SYNE2: variants seen among roughly 807,000 people sequenced by gnomAD.
SYNE2 encodes the protein spectrin repeat containing nuclear envelope protein 2, also known as nesprin-2.
A neutral mutation model predicts 856.3 loss-of-function variants in SYNE2; 431 were observed. That is an observed-to-expected ratio of 0.50 (90% CI 0.47 to 0.55). The LOEUF (loss-of-function observed/expected upper bound fraction) is 0.55. Ranked by LOEUF, SYNE2 falls within the 20% of genes least tolerant of loss-of-function variation. The pLI is 0.00. For missense variants in SYNE2, 8,129 were observed against 8,023.2 expected (o/e 1.01, Z -0.50); for synonymous variants, 2,923 against 2,872.3 (o/e 1.02, Z -0.56).
chr14:63,916,114 A>G (rs780037896), intron 2 of SYNE2, among the ~76,000 whole-genome samples: 2 of 152,180 alleles, frequency 1.3e-5, no homozygotes, highest in Non-Finnish European at 2.9e-5. Flanking sequence ...CTGGGCCGCA[A>G]ATATAATCAT....
At chr14:63,909,657 C>T (rs2095449339) in intron 2 of SYNE2, among the ~76,000 whole-genome samples, 1 of 152,100 alleles carries the variant, frequency 6.6e-6, no homozygotes, top group Non-Finnish European at 1.5e-5. Context: ...GCCTGACCAA[C>T]ATGGGGAAAC....
chr14:64,094,539 A>G (rs2153631515), intron 61 of SYNE2, among the ~76,000 whole-genome samples: 1 of 152,252 alleles, frequency 6.6e-6, no homozygotes, highest in African/African-American at 2.4e-5. Flanking sequence ...CATCAAATTG[A>G]TACAGGCAAG....
intron 1 of SYNE2, among the ~76,000 whole-genome samples, chr14:63,775,879 T>A (rs1307823479): frequency 6.6e-6 from 1 of 152,194 alleles, no homozygotes; most frequent in Non-Finnish European, 1.5e-5. Context: ...CTAGGCTTCT[T>A]CTCAGTTAAC....
At chr14:64,148,522 C>T (rs558342238) in intron 84 of SYNE2, among the ~76,000 whole-genome samples, 22 of 152,054 alleles carry the variant, frequency 1.4e-4, no homozygotes, top group Admixed American at 7.9e-4. Flanking sequence ...TTCTACTTCC[C>T]TCCCCTCGCC....
Position 64,113,544 on chromosome 14 carries a change from G to A in SYNE2, c.12813G>A (p.Val4271=), listed in dbSNP as rs2097829585. The A allele has an allele frequency of 6.2e-7, 1 of 1,611,704 alleles. No individual in the cohort carries two copies. Among genetic ancestry groups the A allele is most frequent in the Non-Finnish European group, 8.5e-7 (1 of 1,178,846 alleles). Residue 4271 remains valine, a synonymous_variant, in exon 66 of 116, where the codon GTG becomes GTA. Coordinates refer to ENST00000555002, the MANE Select transcript of SYNE2 (RefSeq NM_182914.3). ...CATTAAACGCAGACATGCAGCAGGT[G>A]CTGGAACAGCAGCTGGTAGGGTGCC... is the stretch of plus-strand genomic sequence containing the variant. ...PETLNADMQQ[V]LEQQLVGCQA...
At chr14:63,804,203 T>A (rs1595125651) in intron 1 of SYNE2, among the ~76,000 whole-genome samples, 1 of 152,308 alleles carries the variant, frequency 6.6e-6, no homozygotes. Context: ...AATACACCCA[T>A]TTTTTAATCA....
At chr14:63,939,105 G>A (rs570737114) in intron 2 of SYNE2, among the ~76,000 whole-genome samples, 3 of 152,182 alleles carry the variant, frequency 2.0e-5, no homozygotes, top group African/African-American at 4.8e-5. Flanking sequence ...TGCCATGGGT[G>A]TCTGGGCCTG....
intron 63 of SYNE2, 87 bp downstream of exon 63, chr14:64,098,908 C>A: frequency 7.6e-7 from 1 of 1,312,044 alleles, no homozygotes. Context: ...GAATGGAAAC[C>A]TAAGAATTTT....
At chr14:64,026,507 A>G (rs560602136) in intron 41 of SYNE2, 72 bp from the exon 42 acceptor site, 386 of 1,222,970 alleles carry the variant, frequency 3.2e-4, no homozygotes, top group Admixed American at 5.1e-4. Context: ...TAAAGCTTAC[A>G]AATAAAGAGA....
Position 64,089,630 on chromosome 14 carries a change from C to A in SYNE2, c.11727C>A (p.Ile3909=). ...VKSMEKRVSK[I]KTILLSKEIF... is the part of the protein sequence containing the mutation. ...CAATGGAAAAAAGAGTTTCAAAAATCAAAACTATCCTATTATCAAAAGAAA... is the reference window on the plus strand; with the variant it reads ...CAATGGAAAAAAGAGTTTCAAAAATAAAAACTATCCTATTATCAAAAGAAA... The change falls in exon 59 of 116, where the codon ATC becomes ATA. Residue 3909 remains isoleucine, a synonymous_variant. Transcript: ENST00000555002. 6.2e-7 allele frequency: 1 copy of A among 1,605,548 alleles called. No homozygotes were observed. Among genetic ancestry groups the A allele is most frequent in the South Asian group, 1.1e-5 (1 of 90,834 alleles).
intron 1 of SYNE2, among the ~76,000 whole-genome samples, chr14:63,807,861 A>G (rs1228122098): frequency 9.7e-6 from 1 of 102,700 alleles, no homozygotes; most frequent in Non-Finnish European, 1.9e-5. Flanking sequence ...ATATATATAT[A>G]TATAATTTCA....
intron 100 of SYNE2, 90 bp downstream of exon 100, chr14:64,203,053 C>A: frequency 6.6e-7 from 1 of 1,512,888 alleles, no homozygotes; most frequent in Non-Finnish European, 9.0e-7. Flanking sequence ...TGTGTTTTCA[C>A]GTGCTCACAT....
intron 45 of SYNE2, among the ~76,000 whole-genome samples, chr14:64,043,417 C>A (rs1335879641): frequency 6.6e-6 from 1 of 152,132 alleles, no homozygotes; most frequent in African/African-American, 2.4e-5. Context: ...TGTTAATCCC[C>A]AAGACAATGG....
chr14:63,766,681 G>A lies in SYNE2; in HGVS notation c.-305+4695G>A, dbSNP rs149796023. 1.1e-4 allele frequency among the ~76,000 whole-genome samples: 16 copies of A among 152,260 alleles called. No individual in the cohort carries two copies. The East Asian group carries it at 1.2e-3, about 11-fold the overall frequency. ...GACAGGAAGGAAATTCTGGGACAACGTTGTTTAAACTTTTCAGTCTGTAGA... is the reference window on the plus strand; with the variant it reads ...GACAGGAAGGAAATTCTGGGACAACATTGTTTAAACTTTTCAGTCTGTAGA... On this transcript the variant is annotated intron_variant, in intron 1 of 23. Transcript: ENST00000674003.
chr14:64,132,505 G>C lies in SYNE2; in HGVS notation c.14514+67G>C, dbSNP rs572867443. On this transcript the variant is annotated intron_variant, in intron 77 of 115. Transcript: ENST00000555002. Reference sequence around the variant, plus strand: ...CTGATTTTCCATCACCACCCCAGGTGTTGAGAAGAAGTATCTAGTTATCAT... The same window carrying C: ...CTGATTTTCCATCACCACCCCAGGTCTTGAGAAGAAGTATCTAGTTATCAT... 38 of 1,583,590 alleles carry C rather than the reference G, an allele frequency of 2.4e-5. No homozygotes were observed. In the Middle Eastern group the frequency reaches 5.0e-4, roughly 21 times the overall value.
chr14:64,141,545 A>G (rs1017852241), intron 81 of SYNE2, 22 bp downstream of exon 81: 1 of 1,610,288 alleles, frequency 6.2e-7, no homozygotes, highest in Non-Finnish European at 8.5e-7. Flanking sequence ...GAGCCTCAGC[A>G]TTTGAATTAG....
intron 100 of SYNE2, 37 bp from the exon 101 acceptor site, chr14:64,208,721 A>G (rs764272431): frequency 2.5e-6 from 4 of 1,612,602 alleles, no homozygotes; most frequent in South Asian, 2.2e-5. Context: ...GCTGCCACCA[A>G]CATCTCAAGA....
intron 43 of SYNE2, among the ~76,000 whole-genome samples, chr14:64,029,169 T>G (rs1415745050): frequency 6.6e-6 from 1 of 152,078 alleles, no homozygotes; most frequent in African/African-American, 2.4e-5. Context: ...AAATGTCAGC[T>G]TGTCATGAGG....
At chr14:63,827,098 T>G (rs1889459320) in intron 1 of SYNE2, among the ~76,000 whole-genome samples, 2 of 143,460 alleles carry the variant, frequency 1.4e-5, no homozygotes, top group South Asian at 4.4e-4. Flanking sequence ...GCCAACATGG[T>G]GAAACCCTAT....
Sources: allele counts gnomAD v4.1 joint callset (sites outside exome capture counted in the v4.1 genomes callset), GRCh38; gene constraint gnomAD v4.1.1; transcripts MANE v1.5; gene names NCBI Gene and HGNC (gene_info 2026-07-23, HGNC 2026-07-21).